NDUFAF6: variants seen among roughly 807,000 people sequenced by gnomAD.
NDUFAF6 encodes NADH:ubiquinone oxidoreductase complex assembly factor 6, also known as NADH dehydrogenase (ubiquinone) complex I, assembly factor 6.
NDUFAF6 carries 45 observed loss-of-function variants against 40.8 expected under a neutral mutation model. The ratio of observed to expected loss-of-function variants is 1.10; its 90% CI spans 0.87 to 1.42. NDUFAF6 has a LOEUF of 1.42. NDUFAF6 is among the 40% of genes most tolerant of loss of function. NDUFAF6 has a pLI of 0.00. For synonymous variants in NDUFAF6, 185 were observed against 155.9 expected, an observed-to-expected ratio of 1.19 and a Z score of -1.39; for missense variants, 435 against 418.5, an observed-to-expected ratio of 1.04 and a Z score of -0.34.
At chr8:95,000,314 G>A (rs1462204475) in intron 2 of NDUFAF6, among the ~76,000 whole-genome samples, 2 of 152,062 alleles carry the variant, frequency 1.3e-5, no homozygotes, top group African/African-American at 4.8e-5. Context: ...TCCAGCCTGG[G>A]TAACAGGAAT....
At chr8:95,046,922 T>A (rs1830833858) in intron 5 of NDUFAF6, 72 bp from the exon 6 acceptor site, 4 of 1,596,664 alleles carry the variant, frequency 2.5e-6, no homozygotes, top group Non-Finnish European at 3.4e-6. Flanking sequence ...TTAGGTTATT[T>A]CTCTATGCTA....
chr8:94,924,476 G>A (rs1163864305), intron 1 of NDUFAF6, among the ~76,000 whole-genome samples: 1 of 152,224 alleles, frequency 6.6e-6, no homozygotes. Flanking sequence ...ACAGCAGACA[G>A]TGTTTCAATG....
intron 1 of NDUFAF6, among the ~76,000 whole-genome samples, chr8:94,905,542 A>C (rs4735330): frequency 0.62 from 94,491 of 151,964 alleles, 30,083 homozygotes; most frequent in East Asian, 0.79. Flanking sequence ...GTGGGTTTCA[A>C]CAAGCCCAGA....
upstream of NDUFAF6, among the ~76,000 whole-genome samples, chr8:95,100,158 T>A (rs1253551510): frequency 6.6e-6 from 1 of 152,016 alleles, no homozygotes; most frequent in East Asian, 1.9e-4. Context: ...TAGTTCATGC[T>A]GTGTAAGGAA....
At chr8:95,064,755 T>C (rs1832662229) in intron 9 of NDUFAF6, among the ~76,000 whole-genome samples, 1 of 152,036 alleles carries the variant, frequency 6.6e-6, no homozygotes, top group South Asian at 2.1e-4. Context: ...ACCTTTCTGA[T>C]TGTGGGTGAT....
intron 1 of NDUFAF6, among the ~76,000 whole-genome samples, chr8:94,909,370 A>C (rs1288064719): frequency 2.2e-5 from 1 of 44,774 alleles, no homozygotes; most frequent in Non-Finnish European, 5.3e-5. Flanking sequence ...AAAAAAAAAA[A>C]AAAAAAAAAA....
At chr8:95,113,534 C>T (rs1296540746) in intron 4 of NDUFAF6, among the ~76,000 whole-genome samples, 3 of 152,186 alleles carry the variant, frequency 2.0e-5, no homozygotes, top group Non-Finnish European at 4.4e-5. Flanking sequence ...GAGGTGAGAA[C>T]TTGGCGGGAT....
chr8:95,107,166 A>G (rs893766480), downstream of NDUFAF6, among the ~76,000 whole-genome samples: 1 of 152,250 alleles, frequency 6.6e-6, no homozygotes, highest in Non-Finnish European at 1.5e-5. Context: ...TCATTCTACT[A>G]TAAAGACACA....
intron 1 of NDUFAF6, among the ~76,000 whole-genome samples, chr8:94,942,835 C>T (rs535101179): frequency 6.6e-6 from 1 of 152,250 alleles, no homozygotes; most frequent in East Asian, 1.9e-4. Flanking sequence ...GAATGTGGCA[C>T]CTTCAGTACC....
At chr8:95,072,367 A>C in intron 9 of NDUFAF6, among the ~76,000 whole-genome samples, 1 of 152,152 alleles carries the variant, frequency 6.6e-6, no homozygotes. Context: ...ACTGGTATAC[A>C]CTTTCATGTT....
intron 9 of NDUFAF6, among the ~76,000 whole-genome samples, chr8:95,069,812 AATAT>A (rs552138037): frequency 1.4e-5 from 2 of 143,900 alleles, no homozygotes; most frequent in Non-Finnish European, 3.0e-5. Context: ...TATATATATA[AATAT>A]ATATATATAT....
At chr8:94,923,103 T>G (rs570323466) in intron 1 of NDUFAF6, among the ~76,000 whole-genome samples, 1 of 152,158 alleles carries the variant, frequency 6.6e-6, no homozygotes, top group South Asian at 2.1e-4. Flanking sequence ...CATGCGACCA[T>G]GAGAATGGCC....
intron 4 of NDUFAF6, among the ~76,000 whole-genome samples, chr8:95,043,406 T>C (rs1830366872): frequency 6.6e-6 from 1 of 151,730 alleles, no homozygotes; most frequent in Non-Finnish European, 1.5e-5. Flanking sequence ...TTTTTAGATG[T>C]GATACCAAAG....
chr8:95,073,781 T>TGA (rs1165419797), intron 9 of NDUFAF6, among the ~76,000 whole-genome samples: 28 of 152,298 alleles, frequency 1.8e-4, no homozygotes, highest in African/African-American at 6.0e-4. Context: ...TGGGGAGCTC[T>TGA]CTCCAGAGGG....
At chr8:95,011,853 T>C (rs1267464919) in intron 2 of NDUFAF6, among the ~76,000 whole-genome samples, 1 of 152,178 alleles carries the variant, frequency 6.6e-6, no homozygotes, top group Non-Finnish European at 1.5e-5. Flanking sequence ...AACTCAAAAG[T>C]CTAGTAAGTA....
chr8:95,003,303 T>C (rs1053217058), intron 2 of NDUFAF6, among the ~76,000 whole-genome samples: 1 of 152,214 alleles, frequency 6.6e-6, no homozygotes, highest in African/African-American at 2.4e-5. Context: ...CTAATAGAGA[T>C]ATGTATTAAG....
chr8:95,035,487 C>T lies in NDUFAF6; in HGVS notation c.331C>T (p.Leu111=). ...KDSVSEKTIG[L]MRMQFWKKTV... The stretch of plus-strand genomic sequence containing the variant: ...CTCAGTCTCTGAGAAAACAATTGGA[C>T]TGATGCGAATGCAGTTTTGGAAAAA... Residue 111 remains leucine (L), a synonymous_variant, in exon 3 of 9, where the codon CTG becomes TTG. Coordinates refer to ENST00000396124, the MANE Select transcript of NDUFAF6 (RefSeq NM_152416.4). The T allele has an allele frequency of 6.2e-7, 1 of 1,613,444 alleles. No homozygotes were observed. Among genetic ancestry groups the T allele is most frequent in the Non-Finnish European group, 8.5e-7 (1 of 1,179,836 alleles).
rs1408322583 is a variant in NDUFAF6, at chr8:95,004,195, G to A, written c.-84+23222G>A. On this transcript the variant is annotated intron_variant, in intron 2 of 9. Coordinates refer to the NDUFAF6 transcript ENST00000396111. ...GCTGATCAGATGGCAAGAGGAGAGA[G>A]AAGCTGAGTTTCTGAGCTGCCTCCC... is the stretch of plus-strand genomic sequence containing the variant. 3.3e-5 allele frequency among the ~76,000 whole-genome samples: 5 copies of A among 152,040 alleles called. No homozygotes were observed. In the East Asian group the frequency reaches 9.6e-4, roughly 29 times the overall value.
chr8:94,930,425 A>C lies in NDUFAF6; in HGVS notation c.-935-15058A>C, dbSNP rs1242081142. 6 of 1,604,538 alleles carry C rather than the reference A, an allele frequency of 3.7e-6. No individual in the cohort carries two copies. The East Asian group carries it at 8.9e-5, about 24-fold the overall frequency. ...ACATTTTCACTGTACATATACACAC[A>C]TCCATACATGTAAGCACAAACCAAG... On this transcript the variant is annotated intron_variant, in intron 1 of 14. Coordinates refer to the NDUFAF6 transcript ENST00000396113.
Sources: gnomAD v4.1 joint callset for allele counts (sites outside exome capture counted in the v4.1 genomes callset) on GRCh38, gnomAD v4.1.1 for gene constraint, MANE v1.5 for transcripts, NCBI Gene and HGNC (gene_info 2026-07-23, HGNC 2026-07-21) for gene names.